Variants in NXPE2 observed in about 807,000 individuals in gnomAD.
The protein encoded by NXPE2 is NXPE family member 2.
NXPE2 carries 34 observed loss-of-function variants against 34.4 expected under a neutral mutation model. The observed-to-expected ratio is 0.99, with a 90% CI of 0.75 to 1.31. The LOEUF (loss-of-function observed/expected upper bound fraction) is 1.31, where lower values mean the gene tolerates loss of function less well. Ranked by LOEUF, NXPE2 falls within the 40% of genes most tolerant of loss-of-function variation. The pLI, the probability that NXPE2 is intolerant of heterozygous loss-of-function variation, is 0.00. For missense variants in NXPE2, 649 were observed against 672.5 expected, an observed-to-expected ratio of 0.97 and a Z score of 0.39; for synonymous variants, 235 against 231.3, an observed-to-expected ratio of 1.02 and a Z score of -0.15.
chr11:114,656,457 A>G, the NXPE2 span, among the ~76,000 whole-genome samples: 1 of 152,120 alleles, frequency 6.6e-6, no homozygotes, highest in Non-Finnish European at 1.5e-5. Context: ...ATCAAAGAAG[A>G]CCCTCTATAG....
At chr11:114,621,516 C>T in the NXPE2 span, among the ~76,000 whole-genome samples, 2 of 152,034 alleles carry the variant, frequency 1.3e-5, no homozygotes, top group Non-Finnish European at 2.9e-5. Context: ...AGTATTGCCT[C>T]GTGTGTAACC....
the NXPE2 span, among the ~76,000 whole-genome samples, chr11:114,605,371 A>G: frequency 6.6e-6 from 1 of 151,468 alleles, no homozygotes. Flanking sequence ...CTGCTGCATA[A>G]TAAGTATTGC....
the NXPE2 span, chr11:114,580,329 A>G: frequency 1.2e-5 from 19 of 1,613,694 alleles, no homozygotes; most frequent in African/African-American, 1.3e-4. Flanking sequence ...TTTCATTGCA[A>G]CTGTTTCTTC....
chr11:114,612,557 TG>T, the NXPE2 span, among the ~76,000 whole-genome samples: 111 of 151,996 alleles, frequency 7.3e-4, no homozygotes, highest in African/African-American at 2.6e-3. Context: ...TGTTGCCTCA[TG>T]GGTAACCACT....
the NXPE2 span, among the ~76,000 whole-genome samples, chr11:114,569,649 G>A: frequency 2.0e-5 from 3 of 152,174 alleles, no homozygotes; most frequent in East Asian, 5.8e-4. Flanking sequence ...GTTTTTTGAG[G>A]CTGGGTCTTG....
At chr11:114,601,515 T>TCA in the NXPE2 span, among the ~76,000 whole-genome samples, 1 of 27,598 alleles carries the variant, frequency 3.6e-5, no homozygotes, top group African/African-American at 1.3e-4. Flanking sequence ...AAATTATATA[T>TCA]TATATATTAT....
At chr11:114,749,508 A>G in the NXPE2 span, among the ~76,000 whole-genome samples, 1 of 152,152 alleles carries the variant, frequency 6.6e-6, no homozygotes. Context: ...GGCCTCCCAT[A>G]TCCACCTGCT....
At chr11:114,508,599 A>C in the NXPE2 span, among the ~76,000 whole-genome samples, 25 of 152,204 alleles carry the variant, frequency 1.6e-4, no homozygotes, top group Admixed American at 3.3e-4. Context: ...CATACCTACA[A>C]CCATCTGATC....
At chr11:114,643,480 G>C in the NXPE2 span, among the ~76,000 whole-genome samples, 3 of 152,170 alleles carry the variant, frequency 2.0e-5, no homozygotes, top group South Asian at 2.1e-4. Flanking sequence ...TATATGGCTA[G>C]GCAGTTTTCC....
the NXPE2 span, among the ~76,000 whole-genome samples, chr11:114,562,884 A>G: frequency 6.6e-6 from 1 of 152,216 alleles, no homozygotes; most frequent in African/African-American, 2.4e-5. Flanking sequence ...ATGCAGCAAG[A>G]TAGTCCTAAC....
At chr11:114,554,171 G>T in the NXPE2 span, 2 of 985,208 alleles carry the variant, frequency 2.0e-6, no homozygotes, top group Non-Finnish European at 2.4e-6. Context: ...CCCGCTAGTT[G>T]TCTCTTTCAT....
chr11:114,524,296 G>A, the NXPE2 span, among the ~76,000 whole-genome samples: 7 of 152,192 alleles, frequency 4.6e-5, no homozygotes, highest in Admixed American at 4.6e-4. Flanking sequence ...ACTAAAGAAG[G>A]AGAAGGCAGT....
chr11:114,664,910 T>C, the NXPE2 span, among the ~76,000 whole-genome samples: 15,372 of 152,154 alleles, frequency 0.1, 993 homozygotes, highest in African/African-American at 0.18. Flanking sequence ...TTGGCTAATG[T>C]AAGTGTTCAG....
Position 114,698,397 on chromosome 11 carries a change from G to A in NXPE2, c.485G>A (p.Gly162Asp), listed in dbSNP as rs778835054. Residue 162 changes from glycine to aspartate, a missense_variant, in exon 3 of 6, where the codon GGT (glycine) becomes GAT (aspartate). Coordinates refer to ENST00000389586, the MANE Select transcript of NXPE2 (RefSeq NM_182495.6). ...ATGTACTCCACAGCACTAATGGCAG[G>A]TGCTTCAGGAAAGGTGACTGACTTC... ...ARMYSTALMA[G>D]ASGKVTDFNN... 9 of 1,614,000 alleles carry A rather than the reference G, an allele frequency of 5.6e-6. No homozygotes were observed. Among genetic ancestry groups the A allele is most frequent in the South Asian group, 3.3e-5 (3 of 91,064 alleles).
the NXPE2 span, among the ~76,000 whole-genome samples, chr11:114,543,349 A>G: frequency 6.6e-6 from 1 of 151,312 alleles, no homozygotes. Flanking sequence ...TGGGCAACAG[A>G]GCAAGACTCT....
chr11:114,573,728 G>T, the NXPE2 span, among the ~76,000 whole-genome samples: 7 of 151,784 alleles, frequency 4.6e-5, no homozygotes, highest in South Asian at 1.5e-3. Flanking sequence ...ATTACTAATA[G>T]ACCAAAAAAA....
chr11:114,608,895 G>A, the NXPE2 span, among the ~76,000 whole-genome samples: 41 of 151,714 alleles, frequency 2.7e-4, no homozygotes, highest in African/African-American at 8.0e-4. Flanking sequence ...GTATTGCCTC[G>A]TGGGTAACCA....
chr11:114,667,004 C>G, the NXPE2 span, among the ~76,000 whole-genome samples: 1 of 152,120 alleles, frequency 6.6e-6, no homozygotes. Context: ...GAACATTAAT[C>G]AACATCTAAC....
chr11:114,588,406 C>T, the NXPE2 span, among the ~76,000 whole-genome samples: 5 of 152,160 alleles, frequency 3.3e-5, no homozygotes, highest in Non-Finnish European at 1.5e-5. Context: ...AAATTTAACT[C>T]AGGTGTCTAA....
Sources: gnomAD v4.1 joint callset for allele counts (sites outside exome capture counted in the v4.1 genomes callset) on GRCh38, gnomAD v4.1.1 for gene constraint, MANE v1.5 for transcripts, NCBI Gene and HGNC (gene_info 2026-07-23, HGNC 2026-07-21) for gene names.